Variants in NR6A1 observed in about 807,000 individuals in gnomAD.
NR6A1 encodes the protein nuclear receptor subfamily 6 group A member 1.
Under a neutral mutation model 59.1 loss-of-function variants are expected in NR6A1, and 7 were observed. The ratio of observed to expected loss-of-function variants is 0.12; its 90% CI spans 0.07 to 0.22. The LOEUF (loss-of-function observed/expected upper bound fraction) is 0.22. Ranked by LOEUF, NR6A1 falls within the 10% of genes least tolerant of loss-of-function variation. The probability of loss-of-function intolerance (pLI) is 1.00; values close to 1 mark genes in which losing one functional copy is unlikely to be tolerated. For missense variants in NR6A1, 468 were observed against 611.6 expected (o/e 0.77, Z 2.48); for synonymous variants, 243 against 236.1 (o/e 1.03, Z -0.27).
intron 1 of NR6A1, among the ~76,000 whole-genome samples, chr9:124,733,781 TAAC>T (rs1452570638): frequency 6.6e-6 from 1 of 152,218 alleles, no homozygotes; most frequent in Non-Finnish European, 1.5e-5. Context: ...TGTAAAATAT[TAAC>T]AACAATATCA....
intron 3 of NR6A1, among the ~76,000 whole-genome samples, chr9:124,549,977 C>T (rs941852321): frequency 6.6e-6 from 1 of 152,158 alleles, no homozygotes; most frequent in Non-Finnish European, 1.5e-5. Flanking sequence ...CTCAGTCTTT[C>T]CTTGTTTTTT....
intron 7 of NR6A1, among the ~76,000 whole-genome samples, chr9:124,534,728 C>T (rs1833204406): frequency 1.3e-5 from 2 of 152,220 alleles, no homozygotes; most frequent in Admixed American, 1.3e-4. Context: ...ATTCAAATCC[C>T]AAACCCTTAT....
At chr9:124,750,690 G>A (rs1415499874) in intron 1 of NR6A1, among the ~76,000 whole-genome samples, 1 of 152,110 alleles carries the variant, frequency 6.6e-6, no homozygotes, top group Non-Finnish European at 1.5e-5. Flanking sequence ...AACCCAGGAG[G>A]CGGAGGTTGC....
intron 2 of NR6A1, among the ~76,000 whole-genome samples, chr9:124,555,685 G>T (rs1428402844): frequency 6.6e-6 from 1 of 152,158 alleles, no homozygotes; most frequent in African/African-American, 2.4e-5. Flanking sequence ...TAATTAGAGA[G>T]ATTCTAATTT....
intron 2 of NR6A1, among the ~76,000 whole-genome samples, chr9:124,626,307 T>A (rs959495645): frequency 6.6e-6 from 1 of 152,078 alleles, no homozygotes; most frequent in Non-Finnish European, 1.5e-5. Flanking sequence ...CACCCAGCCA[T>A]ATCCTACAGA....
intron 2 of NR6A1, among the ~76,000 whole-genome samples, chr9:124,731,860 A>G (rs550613679): frequency 6.6e-6 from 1 of 152,308 alleles, no homozygotes; most frequent in East Asian, 1.9e-4. Flanking sequence ...AGTTATTAAT[A>G]AAGTTTTTGA....
Position 124,674,366 on chromosome 9 carries a change from A to G in NR6A1, c.142+58942T>C, listed in dbSNP as rs1649083095. Among the ~76,000 whole-genome samples the G allele has an allele frequency of 5.3e-5, 8 of 152,190 alleles. No homozygotes were observed. In the South Asian group the frequency reaches 1.7e-3, roughly 32 times the overall value. On this transcript the variant is annotated intron_variant, in intron 2 of 9. Transcript: ENST00000487099. Reference sequence around the variant, plus strand: ...ATGGTACAGTGCAGCAATTAACGCTATGAAGCTGGATTTCCTGAGTTCAAA... The same window carrying G: ...ATGGTACAGTGCAGCAATTAACGCTGTGAAGCTGGATTTCCTGAGTTCAAA...
intron 2 of NR6A1, among the ~76,000 whole-genome samples, chr9:124,677,410 C>T (rs1837998087): frequency 6.6e-6 from 1 of 151,920 alleles, no homozygotes; most frequent in Non-Finnish European, 1.5e-5. Context: ...AGGTGGGCAC[C>T]ACCATACTAG....
intron 2 of NR6A1, among the ~76,000 whole-genome samples, chr9:124,711,012 G>C (rs963104778): frequency 6.6e-6 from 1 of 151,762 alleles, no homozygotes; most frequent in African/African-American, 2.4e-5. Flanking sequence ...ATTAAATCTT[G>C]ACATGCATAT....
intron 2 of NR6A1, among the ~76,000 whole-genome samples, chr9:124,702,535 A>G (rs1026036278): frequency 2.6e-5 from 4 of 151,988 alleles, no homozygotes; most frequent in African/African-American, 9.7e-5. Context: ...GTGACCCTCA[A>G]TGTTGGAGGT....
chr9:124,597,053 T>C (rs907401369), intron 2 of NR6A1, among the ~76,000 whole-genome samples: 4 of 152,224 alleles, frequency 2.6e-5, no homozygotes, highest in Non-Finnish European at 5.9e-5. Context: ...GACTGGAATC[T>C]GTCACTTAGC....
chr9:124,649,209 T>G (rs1682004477), intron 2 of NR6A1, among the ~76,000 whole-genome samples: 1 of 90,782 alleles, frequency 1.1e-5, no homozygotes, highest in African/African-American at 4.6e-5. Context: ...ACCAAAGCTA[T>G]AGTAAGAAAG....
chr9:124,711,970 C>A (rs1031595627), intron 2 of NR6A1, among the ~76,000 whole-genome samples: 2 of 152,224 alleles, frequency 1.3e-5, no homozygotes, highest in Admixed American at 1.3e-4. Context: ...CAACTCCCTT[C>A]TCCAAGATTT....
intron 2 of NR6A1, among the ~76,000 whole-genome samples, chr9:124,605,911 A>C (rs1309099979): frequency 6.6e-6 from 1 of 152,146 alleles, no homozygotes; most frequent in Non-Finnish European, 1.5e-5. Context: ...CATCTGGCTT[A>C]TTTTAGTAGC....
At chr9:124,659,254 T>C (rs1837351449) in intron 2 of NR6A1, among the ~76,000 whole-genome samples, 2 of 140,478 alleles carry the variant, frequency 1.4e-5, no homozygotes, top group Non-Finnish European at 3.0e-5. Flanking sequence ...CAGCAGTGGG[T>C]GAGACAGGTC....
chr9:124,759,798 T>C (rs1226288620), intron 1 of NR6A1, among the ~76,000 whole-genome samples: 2 of 152,108 alleles, frequency 1.3e-5, no homozygotes, highest in Non-Finnish European at 2.9e-5. Context: ...TCCCAGCACT[T>C]TGGGAGGCCA....
At chr9:124,578,940 A>G (rs1184398340) in intron 2 of NR6A1, among the ~76,000 whole-genome samples, 2 of 152,210 alleles carry the variant, frequency 1.3e-5, no homozygotes, top group Non-Finnish European at 1.5e-5. Flanking sequence ...ATCATAATAT[A>G]TCAATTCAAT....
chr9:124,536,948 C>T (rs1833285695), intron 6 of NR6A1, among the ~76,000 whole-genome samples: 1 of 152,222 alleles, frequency 6.6e-6, no homozygotes, highest in African/African-American at 2.4e-5. Context: ...CTCAGCCTTT[C>T]CTTTAAGCTA....
At chr9:124,660,303 G>A (rs1295824622) in intron 2 of NR6A1, among the ~76,000 whole-genome samples, 1 of 152,178 alleles carries the variant, frequency 6.6e-6, no homozygotes, top group Non-Finnish European at 1.5e-5. Flanking sequence ...AAAATTAAGT[G>A]TGAATAAAAT....
Sources: gnomAD v4.1 joint callset for allele counts (sites outside exome capture counted in the v4.1 genomes callset) on GRCh38, gnomAD v4.1.1 for gene constraint, MANE v1.5 for transcripts, NCBI Gene and HGNC (gene_info 2026-07-23, HGNC 2026-07-21) for gene names.